FKBP1A: variants seen among roughly 807,000 people sequenced by gnomAD.
FKBP1A encodes peptidyl-prolyl cis-trans isomerase FKBP1A.
Under a neutral mutation model 14.2 loss-of-function variants are expected in FKBP1A, and 5 were observed. The ratio of observed to expected loss-of-function variants is 0.35; its 90% CI spans 0.18 to 0.74. The LOEUF (loss-of-function observed/expected upper bound fraction) is 0.74. Among genes scored for constraint, FKBP1A ranks in the 30% least tolerant of loss-of-function variants. The pLI is 0.56. For synonymous variants in FKBP1A, 42 were observed against 49.1 expected (o/e 0.86, Z 0.60); for missense variants, 53 against 138.8 (o/e 0.38, Z 3.10).
chr20:1,390,051 T>C (rs777845572), intron 2 of FKBP1A, among the ~76,000 whole-genome samples: 16 of 152,148 alleles, frequency 1.1e-4, no homozygotes, highest in Non-Finnish European at 2.2e-4. Flanking sequence ...AGAGGGACCC[T>C]TGAGAGTGAC....
chr20:1,385,698 C>T (rs1484799340), intron 2 of FKBP1A, among the ~76,000 whole-genome samples: 1 of 152,160 alleles, frequency 6.6e-6, no homozygotes, highest in African/African-American at 2.4e-5. Flanking sequence ...TACCACCATC[C>T]CTCTGACTTC....
chr20:1,372,795 T>C (rs2089486314), intron 3 of FKBP1A, among the ~76,000 whole-genome samples: 1 of 152,178 alleles, frequency 6.6e-6, no homozygotes, highest in Non-Finnish European at 1.5e-5. Context: ...CTGAATACCA[T>C]TTGTGAAAAT....
At chr20:1,370,741 T>C in intron 4 of FKBP1A, 1 of 985,394 alleles carries the variant, frequency 1.0e-6, no homozygotes, top group South Asian at 4.7e-5. Flanking sequence ...CCCCTCCCTC[T>C]ACCTCATCAA....
In FKBP1A at chr20:1,372,101, G is replaced by A. The variant is rs2089474253; in HGVS notation, c.*11C>T. ...CCAAGAACAGGGAGCTAAGGGAGGA[G>A]GCCATTCCTGTCATTCCAGTTTTAG... On this transcript the variant is annotated 3_prime_UTR_variant, in exon 4 of 5. Transcript: ENST00000400137. The A allele has an allele frequency of 1.2e-6, 2 of 1,613,404 alleles. No individual in the cohort carries two copies. The highest frequency in any genetic ancestry group is 2.2e-5 in the East Asian group (1 of 44,854).
intron 2 of FKBP1A, chr20:1,378,708 C>G (rs6105031): frequency 1.3e-5 from 2 of 152,032 alleles, no homozygotes; most frequent in Admixed American, 6.5e-5. Context: ...TGAAGTCTTA[C>G]AAAAATAAAG....
rs1276474108 is a variant in FKBP1A at position 1,370,001 on chromosome 20, G to T, written c.*108C>A. Reference sequence around the variant, plus strand: ...GGCAGATGTCTATACAAAGTGGAGTGGAACATCAGGAAAAGCTCCATATGG... The same window carrying T: ...GGCAGATGTCTATACAAAGTGGAGTTGAACATCAGGAAAAGCTCCATATGG... On this transcript the variant is annotated 3_prime_UTR_variant, in exon 5 of 5. Coordinates refer to ENST00000400137, the MANE Select transcript of FKBP1A (RefSeq NM_000801.5). 1 of 1,549,006 alleles carries T rather than the reference G, an allele frequency of 6.5e-7. No individual in the cohort carries two copies. The highest frequency in any genetic ancestry group is 1.2e-5 in the South Asian group (1 of 83,888).
At chr20:1,373,114 A>T (rs2089491002) in intron 3 of FKBP1A, 1 of 152,230 alleles carries the variant, frequency 6.6e-6, no homozygotes, top group Non-Finnish European at 1.5e-5. Flanking sequence ...CAGGCTGTGA[A>T]GCGTCTAGTC....
chr20:1,375,678 TCATCA>T, intron 2 of FKBP1A, 75 bp from the exon 3 acceptor site: 1 of 1,032,722 alleles, frequency 9.7e-7, no homozygotes, highest in South Asian at 1.3e-5. Flanking sequence ...AGCAGAGCAC[TCATCA>T]GAGATGCCAG....
At chr20:1,377,932 G>A (rs1364501952) in intron 2 of FKBP1A, 2 of 152,216 alleles carry the variant, frequency 1.3e-5, no homozygotes. Context: ...TGGAAGCAAG[G>A]CTGTGTGGCA....
At chr20:1,382,725 T>C (rs2089630158) in intron 2 of FKBP1A, among the ~76,000 whole-genome samples, 1 of 152,224 alleles carries the variant, frequency 6.6e-6, no homozygotes, top group African/African-American at 2.4e-5. Flanking sequence ...CTTTAGTTAC[T>C]AATCAGTAAG....
At chr20:1,371,073 T>G in intron 4 of FKBP1A, 1 of 985,398 alleles carries the variant, frequency 1.0e-6, no homozygotes, top group Non-Finnish European at 1.2e-6. Context: ...CCATCACAAA[T>G]AGGATGGCAG....
chr20:1,385,242 C>T (rs6041891), intron 2 of FKBP1A, among the ~76,000 whole-genome samples: 17,615 of 151,754 alleles, frequency 0.12, 1,252 homozygotes, highest in African/African-American at 0.19. Flanking sequence ...TACAAAAAAT[C>T]AGCCGGGCAT....
chr20:1,384,438 A>G (rs79390317), intron 2 of FKBP1A, among the ~76,000 whole-genome samples: 2,371 of 152,288 alleles, frequency 0.016, 61 homozygotes, highest in African/African-American at 0.053. Context: ...CTCTACTTTA[A>G]AAAAGGTCAA....
chr20:1,389,950 G>GT (rs1369041132), intron 2 of FKBP1A, among the ~76,000 whole-genome samples: 1 of 152,160 alleles, frequency 6.6e-6, no homozygotes, highest in Non-Finnish European at 1.5e-5. Flanking sequence ...AGTGAACTTT[G>GT]TATTTTCCCT....
At chr20:1,378,498 C>T (rs1321388430) in intron 2 of FKBP1A, 2 of 152,158 alleles carry the variant, frequency 1.3e-5, no homozygotes, top group Non-Finnish European at 1.5e-5. Context: ...GAATGTACAC[C>T]ACCAAGAGTG....
rs1162144796 is a variant in FKBP1A, at chr20:1,386,633, T to C, written c.85+6201A>G. Among the ~76,000 whole-genome samples the C allele has an allele frequency of 6.6e-6, 1 of 152,172 alleles. No homozygotes were observed. The highest frequency in any genetic ancestry group is 1.5e-5 in the Non-Finnish European group (1 of 68,030). ...GCTGTGCTATAAAGAAAAGAGCCTGTCATGCAGTGGGGAGTGGGGGCAGTG... is the reference window on the plus strand; with the variant it reads ...GCTGTGCTATAAAGAAAAGAGCCTGCCATGCAGTGGGGAGTGGGGGCAGTG... On this transcript the variant is annotated intron_variant, in intron 2 of 4. Coordinates refer to ENST00000400137, the MANE Select transcript of FKBP1A (RefSeq NM_000801.5). This position sits in a 1 kb window ranked among gnomAD's most constrained non-coding sequence, Gnocchi z 4.7.
chr20:1,370,030 C>A lies in FKBP1A; in HGVS notation c.*79G>T. 6.5e-7 allele frequency: 1 copy of A among 1,550,164 alleles called. No homozygotes were observed. Among genetic ancestry groups the A allele is most frequent in the Non-Finnish European group, 8.7e-7 (1 of 1,146,876 alleles). On this transcript the variant is annotated 3_prime_UTR_variant, in exon 5 of 5. Coordinates refer to ENST00000400137, the MANE Select transcript of FKBP1A (RefSeq NM_000801.5). Reference sequence around the variant, plus strand: ...CATCAGGAAAAGCTCCATATGGATTCATGTGCACATGTCTGGAGGCACCAG... The same window carrying A: ...CATCAGGAAAAGCTCCATATGGATTAATGTGCACATGTCTGGAGGCACCAG...
At chr20:1,373,059 G>C (rs1190733569) in intron 3 of FKBP1A, 1 of 152,112 alleles carries the variant, frequency 6.6e-6, no homozygotes, top group Non-Finnish European at 1.5e-5. Context: ...GTATGTTCCC[G>C]ACTTTCCAAC....
At chr20:1,383,120 T>C (rs1395718956) in intron 2 of FKBP1A, among the ~76,000 whole-genome samples, 1 of 152,002 alleles carries the variant, frequency 6.6e-6, no homozygotes, top group Non-Finnish European at 1.5e-5. Flanking sequence ...AATAACCCAA[T>C]AGAAATGGAG....
Sources: allele counts gnomAD v4.1 joint callset (sites outside exome capture counted in the v4.1 genomes callset), GRCh38; gene constraint gnomAD v4.1.1; non-coding constraint Gnocchi (gnomAD v3.1); transcripts MANE v1.5; gene names NCBI Gene and HGNC (gene_info 2026-07-23, HGNC 2026-07-21).